The following SLC25A29 variants were observed in gnomAD, a reference collection of about 807,000 sequenced individuals.
SLC25A29 encodes the protein mitochondrial basic amino acids transporter.
In SLC25A29, 13 loss-of-function variants were observed where a neutral mutation model predicts 10.0. The ratio of observed to expected loss-of-function variants is 1.30; its 90% CI spans 0.85 to 2.07. SLC25A29 has a LOEUF of 2.07. Ranked by LOEUF, SLC25A29 falls within the 30% of genes most tolerant of loss-of-function variation. The probability of loss-of-function intolerance (pLI) is 0.00; values close to 1 mark genes in which losing one functional copy is unlikely to be tolerated. For missense variants in SLC25A29, 475 were observed against 447.6 expected (o/e 1.06, Z -0.55); for synonymous variants, 244 against 221.1 (o/e 1.10, Z -0.92).
chr14:100,292,862 G>C lies in SLC25A29; in HGVS notation c.333C>G (p.Cys111Trp). ...AAGAIQCVICCPMELAKTRLQ... is the reference protein window; with the variant it reads ...AAGAIQCVICWPMELAKTRLQ... ...GCCGCGTCTTGGCCAGCTCCATGGGGCAGCAGATGACGCACTGGATGGCGC... is the reference window on the plus strand; with the variant it reads ...GCCGCGTCTTGGCCAGCTCCATGGGCCAGCAGATGACGCACTGGATGGCGC... Residue 111 changes from cysteine to tryptophan, a missense_variant, in exon 4 of 4, where the codon TGC becomes TGG. Physicochemically the swap from Cys to Trp is radical, Grantham distance 215. Coordinates refer to ENST00000359232, the MANE Select transcript of SLC25A29 (RefSeq NM_001039355.3). 1 of 1,600,232 alleles carries C rather than the reference G, an allele frequency of 6.2e-7. No individual in the cohort carries two copies. Among genetic ancestry groups the C allele is most frequent in the South Asian group, 1.1e-5 (1 of 89,538 alleles).
At chr14:100,285,052 G>GA in the SLC25A29 span, among the ~76,000 whole-genome samples, 2 of 146,244 alleles carry the variant, frequency 1.4e-5, no homozygotes, top group African/African-American at 5.1e-5. Flanking sequence ...AGCGGGGGGG[G>GA]GCGGGGTAGC....
intron 1 of SLC25A29, among the ~76,000 whole-genome samples, chr14:100,303,825 T>C (rs896124705): frequency 6.6e-6 from 1 of 152,160 alleles, no homozygotes; most frequent in African/African-American, 2.4e-5. Flanking sequence ...TGGGGATGGC[T>C]GGTAGCAGAG....
chr14:100,288,577 C>T (rs1891592009), downstream of SLC25A29, among the ~76,000 whole-genome samples: 1 of 149,144 alleles, frequency 6.7e-6, no homozygotes, highest in South Asian at 2.1e-4. Flanking sequence ...GGCCCTGCCT[C>T]ACCCCCCTCC....
chr14:100,286,654 CGCCTTTCCCAGTTCCCTGGGAAGTG>C (rs147671201), downstream of SLC25A29, among the ~76,000 whole-genome samples: 614 of 152,340 alleles, frequency 4.0e-3, 19 homozygotes, highest in East Asian at 0.079. Context: ...CTGGCCCCAC[CGCCTTTCCCAGTTCCCTGGGAAGTG>C]GCCTCTGGAC....
intron 1 of SLC25A29, chr14:100,299,814 C>T (rs1892421318): frequency 2.0e-6 from 2 of 985,356 alleles, no homozygotes; most frequent in South Asian, 4.7e-5. Context: ...TCTCCCTTTA[C>T]TGCCAGTAGC....
chr14:100,305,294 A>C (rs1892846234), intron 1 of SLC25A29: 1 of 152,212 alleles, frequency 6.6e-6, no homozygotes, highest in Admixed American at 6.5e-5. Flanking sequence ...AGCCAAATCC[A>C]AGTAGATGAA....
intron 1 of SLC25A29, among the ~76,000 whole-genome samples, chr14:100,301,806 G>GGCACTTCCTGCT (rs1002610204): frequency 5.9e-5 from 9 of 152,066 alleles, no homozygotes; most frequent in Middle Eastern, 3.4e-3. Context: ...CACCACGCCC[G>GGCACTTCCTGCT]GCACTTCCTG....
chr14:100,280,865 T>C, the SLC25A29 span: 142,072 of 151,862 alleles, frequency 0.94, 66,724 homozygotes, highest in East Asian at 1. Flanking sequence ...TGGAGACGTG[T>C]CCCAGACTGG....
At chr14:100,284,418 C>A in the SLC25A29 span, among the ~76,000 whole-genome samples, 1,967 of 152,298 alleles carry the variant, frequency 0.013, 45 homozygotes, top group African/African-American at 0.045. Flanking sequence ...CCTTGCTGAC[C>A]TCCCCACACG....
chr14:100,306,128 G>T, intron 1 of SLC25A29, 71 bp downstream of exon 1: 1 of 1,172,002 alleles, frequency 8.5e-7, no homozygotes, highest in African/African-American at 1.6e-5. Context: ...GCGAGGCCAG[G>T]GCGTGCTGGT....
the SLC25A29 span, chr14:100,279,892 GGAGCCA>G: frequency 7.2e-5 from 11 of 152,342 alleles, no homozygotes; most frequent in African/African-American, 2.4e-4. Context: ...ATGGCCTGCA[GGAGCCA>G]GGCTCCTGTG....
In SLC25A29 at chr14:100,291,148, A is replaced by G. The variant is rs981558791; in HGVS notation, c.*1135T>C. The G allele has an allele frequency of 6.6e-6, 1 of 152,310 alleles. No individual in the cohort carries two copies. Among genetic ancestry groups the G allele is most frequent in the African/African-American group, 2.4e-5 (1 of 41,468 alleles). The allele number at this position is 152,310 out of a possible 1,614,324, so 9.4% of individuals were successfully genotyped here. On this transcript the variant is annotated 3_prime_UTR_variant, in exon 4 of 4. Coordinates refer to ENST00000359232, the MANE Select transcript of SLC25A29 (RefSeq NM_001039355.3). Reference sequence around the variant, plus strand: ...ACAAAGAACACTTTATTCCCTTGACAGTTTCTGTACAGCGACACCAGGCTG... The same window carrying G: ...ACAAAGAACACTTTATTCCCTTGACGGTTTCTGTACAGCGACACCAGGCTG...
the SLC25A29 span, among the ~76,000 whole-genome samples, chr14:100,284,622 T>A: frequency 6.6e-6 from 1 of 152,152 alleles, no homozygotes; most frequent in Admixed American, 6.5e-5. Flanking sequence ...AGCTTACCTC[T>A]CCACCTCCAG....
downstream of SLC25A29, among the ~76,000 whole-genome samples, chr14:100,289,035 C>T (rs1237843839): frequency 6.6e-6 from 1 of 152,160 alleles, no homozygotes; most frequent in East Asian, 1.9e-4. Flanking sequence ...CAGGAGAAGG[C>T]GGCAAGAGAT....
intron 1 of SLC25A29, among the ~76,000 whole-genome samples, chr14:100,303,325 T>C (rs1433849380): frequency 6.6e-6 from 1 of 152,234 alleles, no homozygotes; most frequent in African/African-American, 2.4e-5. Flanking sequence ...TCCATGTCCC[T>C]TGAAGCTAGG....
chr14:100,282,041 TA>T, the SLC25A29 span: 1 of 152,246 alleles, frequency 6.6e-6, no homozygotes, highest in Non-Finnish European at 1.5e-5. Flanking sequence ...ATGGAGCGTT[TA>T]AGCTGAGCGT....
In SLC25A29 at chr14:100,292,763, G is replaced by A. The variant is rs770446755; in HGVS notation, c.432C>T (p.His144=). The A allele has an allele frequency of 3.1e-6, 5 of 1,601,002 alleles. No individual in the cohort carries two copies. The highest frequency in any genetic ancestry group is 1.1e-5 in the South Asian group (1 of 89,540). Residue 144 remains histidine, a synonymous_variant, in exon 4 of 4, where the codon CAC becomes CAT. Transcript: ENST00000359232. ...SLDCLAQIYG[H]EGLRGVNRGM... The stretch of plus-strand genomic sequence containing the variant: ...CCCGGTTGACGCCACGCAGACCCTC[G>A]TGCCCGTAGATCTGCGCGAGGCAGT...
chr14:100,280,344 C>T, the SLC25A29 span: 1 of 152,132 alleles, frequency 6.6e-6, no homozygotes, highest in Admixed American at 6.5e-5. Context: ...GAAATAAATG[C>T]ATGTTTCTAG....
the SLC25A29 span, chr14:100,279,574 G>T: frequency 6.6e-6 from 1 of 152,268 alleles, no homozygotes; most frequent in African/African-American, 2.4e-5. Context: ...TGCTGTATCT[G>T]GCAGTCAGGA....
Sources: allele counts gnomAD v4.1 joint callset (sites outside exome capture counted in the v4.1 genomes callset), GRCh38; gene constraint gnomAD v4.1.1; transcripts MANE v1.5; gene names NCBI Gene and HGNC (gene_info 2026-07-23, HGNC 2026-07-21).